ST7: variants seen among roughly 807,000 people sequenced by gnomAD.
ST7 encodes suppression of tumorigenicity 7.
ST7 carries 28 observed loss-of-function variants against 78.7 expected under a neutral mutation model. That is an observed-to-expected ratio of 0.36 (90% confidence interval 0.26 to 0.49). ST7 has a LOEUF of 0.49. ST7 is among the 20% of genes least tolerant of loss of function. The pLI is 0.99. For synonymous variants in ST7, 247 were observed against 249.6 expected (o/e 0.99, Z 0.10); for missense variants, 418 against 696.0 (o/e 0.60, Z 4.49).
chr7:117,229,929 G>A lies in ST7; in HGVS notation c.*72G>A, dbSNP rs73211950. The A allele has an allele frequency of 7.3e-3, 9,276 of 1,265,864 alleles. 47 individuals are homozygous for A. The highest frequency in any genetic ancestry group is 8.2e-3 in the Non-Finnish European group (7,038 of 862,104). The allele number at this position is 1,265,864 out of a possible 1,614,324, so 78.4% of individuals were successfully genotyped here. ...CCTCTGTGCCAACTCCTTGTGGACC[G>A]CAAGAAAGCATGACTTTGAAAAAGG... On this transcript the variant is annotated 3_prime_UTR_variant, in exon 16 of 16. Coordinates refer to ENST00000323984, the MANE Select transcript of ST7 (RefSeq NM_001369598.1).
chr7:116,989,771 C>T (rs1428740976), intron 1 of ST7, among the ~76,000 whole-genome samples: 2 of 152,034 alleles, frequency 1.3e-5, no homozygotes, highest in Middle Eastern at 3.2e-3. Flanking sequence ...CCCAGGAGTT[C>T]AAGGTTACAG....
At chr7:117,114,107 C>A (rs970947592) in intron 2 of ST7, among the ~76,000 whole-genome samples, 1 of 151,990 alleles carries the variant, frequency 6.6e-6, no homozygotes, top group Non-Finnish European at 1.5e-5. Context: ...ACATAGCCCC[C>A]GCAACTGTTG....
chr7:117,176,376 T>C (rs956528288), intron 10 of ST7, among the ~76,000 whole-genome samples: 2 of 152,204 alleles, frequency 1.3e-5, no homozygotes, highest in African/African-American at 4.8e-5. Flanking sequence ...GGGTATACTT[T>C]TTAGAAAAGG....
At chr7:117,198,195 C>T in intron 12 of ST7, 1 of 331,154 alleles carries the variant, frequency 3.0e-6, no homozygotes, top group Non-Finnish European at 6.0e-6. Context: ...AAAGTAATGG[C>T]TTCACAGGAC....
rs952183676 is a variant in ST7 at position 117,128,021 on chromosome 7, T to C, written c.395-1772T>C. Among the ~76,000 whole-genome samples, 11 of 152,048 alleles carry C rather than the reference T, an allele frequency of 7.2e-5. No individual in the cohort carries two copies. In the South Asian group the frequency reaches 1.9e-3, roughly 26 times the overall value. On this transcript the variant is annotated intron_variant, in intron 3 of 15. Coordinates refer to ENST00000323984, the MANE Select transcript of ST7 (RefSeq NM_001369598.1). ...TTTGTTGGAGACAAAATATTTGCCCTAGCCTTTTTACTAATATTTCAGATG... is the reference window on the plus strand; with the variant it reads ...TTTGTTGGAGACAAAATATTTGCCCCAGCCTTTTTACTAATATTTCAGATG...
At chr7:117,129,959 G>C in intron 4 of ST7, 112 bp downstream of exon 4, 1 of 720,472 alleles carries the variant, frequency 1.4e-6, no homozygotes, top group Non-Finnish European at 2.3e-6. Context: ...TATGTAGTGC[G>C]TCCATTTTTT....
intron 1 of ST7, among the ~76,000 whole-genome samples, chr7:116,970,241 C>T (rs1793348870): frequency 6.6e-6 from 1 of 152,108 alleles, no homozygotes; most frequent in Admixed American, 6.6e-5. Flanking sequence ...TTGCTTTCTC[C>T]AGCAAGTCTT....
rs1445267073 is a variant in ST7, at chr7:117,201,963, T to TG, written c.1255-7824_1255-7823insG. ...TCTCCCTCCTTGCTCGAAGCTATCT[T>TG]TTTTTTTTTTTTTTTGAGACGGAGT... On this transcript the variant is annotated intron_variant, in intron 12 of 15. Transcript: ENST00000323984. Among the ~76,000 whole-genome samples, 694 of 76,064 alleles carry TG rather than the reference T, an allele frequency of 9.1e-3. 208 individuals are homozygous for TG. The highest frequency in any genetic ancestry group is 0.028 in the African/African-American group (655 of 23,434). 49.9% of individuals were successfully genotyped at this position (76,064 alleles called of 152,430 possible).
rs531701830 is a variant in ST7, at chr7:117,035,349, C to T, written c.152-64413C>T. Among the ~76,000 whole-genome samples, 3 of 152,198 alleles carry T rather than the reference C, an allele frequency of 2.0e-5. No homozygotes were observed. The East Asian group carries it at 5.8e-4, about 29-fold the overall frequency. ...TTCAGGGATGCAGAATATGGCTCGCCTTTGTTTCCTGAAATTGTGCATTGA... is the reference window on the plus strand; with the variant it reads ...TTCAGGGATGCAGAATATGGCTCGCTTTTGTTTCCTGAAATTGTGCATTGA... On this transcript the variant is annotated intron_variant, in intron 1 of 15. Transcript: ENST00000323984.
chr7:117,226,320 C>T (rs764701681), intron 15 of ST7, among the ~76,000 whole-genome samples: 7 of 152,124 alleles, frequency 4.6e-5, no homozygotes, highest in Non-Finnish European at 1.0e-4. Context: ...TTTCTCACCA[C>T]GAGACACTCA....
intron 10 of ST7, among the ~76,000 whole-genome samples, chr7:117,176,911 G>C (rs1808381747): frequency 6.6e-6 from 1 of 152,202 alleles, no homozygotes; most frequent in South Asian, 2.1e-4. Context: ...TCTAGTGACA[G>C]ACTATAAACC....
chr7:117,189,992 C>G (rs184340755), intron 11 of ST7: 1 of 152,924 alleles, frequency 6.5e-6, no homozygotes, highest in Non-Finnish European at 1.5e-5. Flanking sequence ...TAAACTCTTA[C>G]GCTTCCCCAA....
intron 7 of ST7, among the ~76,000 whole-genome samples, chr7:117,135,358 A>G (rs976492822): frequency 1.3e-5 from 2 of 152,074 alleles, no homozygotes; most frequent in African/African-American, 4.8e-5. Context: ...AGTGGTAGCT[A>G]TTGTTGTTGA....
At chr7:116,972,711 C>T in intron 1 of ST7, 1 of 927,310 alleles carries the variant, frequency 1.1e-6, no homozygotes, top group Non-Finnish European at 1.8e-6. Flanking sequence ...CTGGGCGCTC[C>T]TGAGCACAGT....
intron 1 of ST7, among the ~76,000 whole-genome samples, chr7:117,078,423 G>T (rs762259710): frequency 6.6e-6 from 1 of 152,224 alleles, no homozygotes; most frequent in Admixed American, 6.5e-5. Flanking sequence ...TGAAACAGAT[G>T]AATAGCATGT....
rs1019025046 is a variant in ST7, at chr7:117,056,762, T to A, written c.152-43000T>A. Among the ~76,000 whole-genome samples the A allele has an allele frequency of 2.6e-5, 4 of 152,282 alleles. No homozygotes were observed. In the South Asian group the frequency reaches 8.3e-4, roughly 32 times the overall value. On this transcript the variant is annotated intron_variant, in intron 1 of 15. Transcript: ENST00000323984. The stretch of plus-strand genomic sequence containing the variant: ...AAGAAATATAGCCAATCTATTGACT[T>A]AAAAGCTGAGTAAAATTTTACTACA...
chr7:117,011,355 C>T (rs7804792), intron 1 of ST7, among the ~76,000 whole-genome samples: 149,583 of 152,252 alleles, frequency 0.98, 73,544 homozygotes, highest in East Asian at 1. Context: ...GAAGAGGGGA[C>T]AGTGGGGGCT....
At chr7:116,955,402 G>T (rs555279866) in intron 1 of ST7, among the ~76,000 whole-genome samples, 8 of 152,256 alleles carry the variant, frequency 5.3e-5, no homozygotes, top group African/African-American at 1.9e-4. Context: ...ATCCCTTGGT[G>T]GAAGGTGGAA....
rs753528070 is a variant in ST7, at chr7:117,222,054, G to A, written c.1630G>A (p.Ala544Thr). The change falls in exon 15 of 16, where the codon GCA becomes ACA. Residue 544 changes from alanine to threonine, a missense_variant. By Grantham distance (58) the Ala-to-Thr change is moderately conservative. Coordinates refer to ENST00000323984, the MANE Select transcript of ST7 (RefSeq NM_001369598.1). ...GTTCCCGGAACTTATGGGGGTCTTC[G>A]CAAAAGCTGTGAGTGTTTGCCTAGA... is the stretch of plus-strand genomic sequence containing the variant. The part of the protein sequence containing the change: ...HQFPELMGVF[A>T]KAFLSTLFAP... The A allele has an allele frequency of 5.6e-6, 9 of 1,608,320 alleles. No homozygotes were observed. The highest frequency in any genetic ancestry group is 2.2e-5 in the South Asian group (2 of 90,014).
Sources: gnomAD v4.1 joint callset for allele counts (sites outside exome capture counted in the v4.1 genomes callset) on GRCh38, gnomAD v4.1.1 for gene constraint, MANE v1.5 for transcripts, NCBI Gene and HGNC (gene_info 2026-07-23, HGNC 2026-07-21) for gene names.